The following MARCHF1 variants were observed in gnomAD, a reference collection of about 807,000 sequenced individuals.
MARCHF1 encodes membrane associated ring-CH-type finger 1, also known as E3 ubiquitin-protein ligase MARCHF1.
A neutral mutation model predicts 54.2 loss-of-function variants in MARCHF1; 40 were observed. The ratio of observed to expected loss-of-function variants is 0.74; its 90% confidence interval spans 0.57 to 0.96. The LOEUF is 0.96. Ranked by LOEUF, MARCHF1 falls within the 40% of genes least tolerant of loss-of-function variation. MARCHF1 has a pLI of 0.00. For missense variants in MARCHF1, 586 were observed against 656.5 expected (o/e 0.89, Z 1.17); for synonymous variants, 236 against 236.3 (o/e 1.00, Z 0.01).
chr4:163,937,867 T>A (rs973927142), intron 3 of MARCHF1, among the ~76,000 whole-genome samples: 1 of 152,074 alleles, frequency 6.6e-6, no homozygotes, highest in Non-Finnish European at 1.5e-5. Context: ...AAGCAAAAAA[T>A]TTTTCAATGG....
At chr4:163,966,237 T>C (rs1017616757) in intron 3 of MARCHF1, among the ~76,000 whole-genome samples, 7 of 152,046 alleles carry the variant, frequency 4.6e-5, no homozygotes, top group Non-Finnish European at 7.4e-5. Context: ...TTTATAAACA[T>C]AGTTATTTTG....
At chr4:164,037,062 A>C (rs537951495) in intron 2 of MARCHF1, among the ~76,000 whole-genome samples, 11 of 152,286 alleles carry the variant, frequency 7.2e-5, no homozygotes, top group Non-Finnish European at 1.3e-4. Flanking sequence ...CATCATTCTA[A>C]GATTTGGGGC....
intron 5 of MARCHF1, among the ~76,000 whole-genome samples, chr4:163,692,426 G>A (rs560878029): frequency 6.6e-6 from 1 of 152,122 alleles, no homozygotes; most frequent in Non-Finnish European, 1.5e-5. Flanking sequence ...GTGCTGTGTG[G>A]GCAATGAGCA....
At chr4:164,134,603 C>A (rs1295005727) in intron 1 of MARCHF1, among the ~76,000 whole-genome samples, 1 of 152,058 alleles carries the variant, frequency 6.6e-6, no homozygotes, top group Non-Finnish European at 1.5e-5. Context: ...GTCACACTCG[C>A]CCTCACTCCA....
chr4:163,787,077 A>AC (rs1747642897), intron 4 of MARCHF1, among the ~76,000 whole-genome samples: 2 of 151,962 alleles, frequency 1.3e-5, no homozygotes, highest in Admixed American at 1.3e-4. Context: ...ACAAAAATTA[A>AC]CAAACTGGTT....
chr4:164,108,787 T>C (rs1164307812), intron 2 of MARCHF1, among the ~76,000 whole-genome samples: 2 of 152,118 alleles, frequency 1.3e-5, no homozygotes, highest in African/African-American at 4.8e-5. Flanking sequence ...CTAAAATTGC[T>C]AATTTAAAAT....
chr4:163,863,998 A>G (rs565995512), intron 3 of MARCHF1, among the ~76,000 whole-genome samples: 20 of 152,108 alleles, frequency 1.3e-4, no homozygotes, highest in African/African-American at 4.6e-4. Flanking sequence ...TAACATAAAC[A>G]CCCACAAGTC....
At chr4:163,577,590 G>A (rs1579078806) in intron 8 of MARCHF1, among the ~76,000 whole-genome samples, 2 of 151,938 alleles carry the variant, frequency 1.3e-5, no homozygotes, top group East Asian at 3.8e-4. Context: ...TATCTTGCAG[G>A]TGTTCTCTGA....
At chr4:164,300,660 C>T (rs1169445971) in intron 1 of MARCHF1, among the ~76,000 whole-genome samples, 1 of 152,086 alleles carries the variant, frequency 6.6e-6, no homozygotes, top group Admixed American at 6.5e-5. Flanking sequence ...TCCCACCTCA[C>T]CCTCCGACTA....
chr4:163,779,127 C>A (rs1325381814), intron 4 of MARCHF1, among the ~76,000 whole-genome samples: 1 of 152,144 alleles, frequency 6.6e-6, no homozygotes, highest in Non-Finnish European at 1.5e-5. Flanking sequence ...ATGAAATATG[C>A]TACATGGAGA....
intron 2 of MARCHF1, among the ~76,000 whole-genome samples, chr4:164,078,273 C>T (rs1437123878): frequency 6.6e-6 from 1 of 152,066 alleles, no homozygotes; most frequent in East Asian, 1.9e-4. Context: ...CAAACTAACA[C>T]AAGAACAGAA....
At chr4:164,037,269 G>A (rs973644692) in intron 2 of MARCHF1, among the ~76,000 whole-genome samples, 2 of 152,178 alleles carry the variant, frequency 1.3e-5, no homozygotes, top group East Asian at 3.9e-4. Context: ...TGGAGATGTT[G>A]GCATATAGGT....
intron 4 of MARCHF1, among the ~76,000 whole-genome samples, chr4:163,841,776 C>T (rs557845907): frequency 3.3e-5 from 5 of 152,164 alleles, no homozygotes; most frequent in African/African-American, 9.6e-5. Flanking sequence ...GCTGACAATT[C>T]GGTAACTGCA....
At chr4:163,733,177 GTATATATATATATATATATATATATA>G (rs1169850987) in intron 4 of MARCHF1, among the ~76,000 whole-genome samples, 12 of 17,550 alleles carry the variant, frequency 6.8e-4, no homozygotes, top group African/African-American at 2.0e-3. Context: ...CTGTATGTGT[GTATATATATATATATATATATATATA>G]TATATATATA....
At chr4:164,198,240 G>A (rs1731336425) in intron 1 of MARCHF1, among the ~76,000 whole-genome samples, 1 of 152,058 alleles carries the variant, frequency 6.6e-6, no homozygotes, top group Admixed American at 6.5e-5. Context: ...TCTTTTATTG[G>A]TATCATCATG....
At chr4:164,270,711 G>A (rs931161095) in intron 1 of MARCHF1, among the ~76,000 whole-genome samples, 37 of 152,080 alleles carry the variant, frequency 2.4e-4, no homozygotes, top group African/African-American at 8.0e-4. Flanking sequence ...CTCAATATTC[G>A]TGCATGCCTA....
At chr4:163,891,521 T>G (rs1034469768) in intron 3 of MARCHF1, among the ~76,000 whole-genome samples, 3 of 152,112 alleles carry the variant, frequency 2.0e-5, no homozygotes, top group Non-Finnish European at 4.4e-5. Flanking sequence ...TACAGAAATT[T>G]ATGAACTCTC....
intron 4 of MARCHF1, among the ~76,000 whole-genome samples, chr4:163,751,653 T>C (rs893129084): frequency 3.9e-5 from 6 of 152,096 alleles, no homozygotes; most frequent in Admixed American, 1.3e-4. Context: ...AAAATGGACT[T>C]GTGAAGTTTT....
chr4:163,553,489 T>C (rs1387001809), intron 8 of MARCHF1, among the ~76,000 whole-genome samples: 1 of 152,222 alleles, frequency 6.6e-6, no homozygotes, highest in Admixed American at 6.5e-5. Flanking sequence ...GAAAATACAA[T>C]CTATTTTTAT....
Sources: allele counts gnomAD v4.1 joint callset (sites outside exome capture counted in the v4.1 genomes callset), GRCh38; gene constraint gnomAD v4.1.1; transcripts MANE v1.5; gene names NCBI Gene and HGNC (gene_info 2026-07-23, HGNC 2026-07-21).